Variants in NINJ2 observed in about 807,000 individuals in gnomAD.
NINJ2 encodes ninjurin 2.
Under a neutral mutation model 11.7 loss-of-function variants are expected in NINJ2, and 12 were observed. The observed-to-expected ratio is 1.02, with a 90% confidence interval of 0.66 to 1.66. The LOEUF (loss-of-function observed/expected upper bound fraction) is 1.66, where lower values mean the gene tolerates loss of function less well. Among genes scored for constraint, NINJ2 ranks in the 40% most tolerant of loss-of-function variants. The pLI is 0.00. For synonymous variants in NINJ2, 93 were observed against 76.8 expected, an observed-to-expected ratio of 1.21 and a Z score of -1.10; for missense variants, 187 against 181.8, an observed-to-expected ratio of 1.03 and a Z score of -0.16.
intron 1 of NINJ2, among the ~76,000 whole-genome samples, chr12:579,633 G>A (rs1253450942): frequency 6.6e-6 from 1 of 151,648 alleles, no homozygotes; most frequent in Non-Finnish European, 1.5e-5. Context: ...TAATTGATCC[G>A]CCCCCACTCC....
At chr12:618,667 A>G (rs1441758734) in intron 1 of NINJ2, among the ~76,000 whole-genome samples, 2 of 152,226 alleles carry the variant, frequency 1.3e-5, no homozygotes, top group African/African-American at 2.4e-5. Context: ...TCGGGCTCCA[A>G]GGAGACTGCA....
intron 1 of NINJ2, chr12:610,348 T>C: frequency 6.5e-7 from 1 of 1,535,374 alleles, no homozygotes; most frequent in Non-Finnish European, 8.7e-7. Context: ...ACACTTACCA[T>C]ATACATCATG....
At chr12:567,450 G>C (rs541739195) in intron 1 of NINJ2, among the ~76,000 whole-genome samples, 10 of 152,278 alleles carry the variant, frequency 6.6e-5, no homozygotes, top group Non-Finnish European at 1.3e-4. Flanking sequence ...ATTTGATTTT[G>C]TTTTGAAGTA....
At chr12:662,363 G>A (rs1216415394) in intron 1 of NINJ2, among the ~76,000 whole-genome samples, 1 of 151,896 alleles carries the variant, frequency 6.6e-6, no homozygotes, top group Non-Finnish European at 1.5e-5. Flanking sequence ...CAAGGACAGA[G>A]ACTCTGCCAG....
chr12:625,013 T>A (rs142509399), intron 1 of NINJ2, among the ~76,000 whole-genome samples: 3 of 144,762 alleles, frequency 2.1e-5, no homozygotes, highest in African/African-American at 7.8e-5. Flanking sequence ...GGAGGCTGAG[T>A]AATGAGAATT....
intron 2 of NINJ2, chr12:565,704 G>A (rs1947287474): frequency 1.6e-6 from 1 of 621,632 alleles, no homozygotes; most frequent in Admixed American, 2.6e-5. Flanking sequence ...CGAGGTGCTG[G>A]CGCAGTCATT....
rs1947622113 is a variant in NINJ2 at position 585,507 on chromosome 12, CGGTTGGAGGGAAGGGAAG to C, written c.34-19347_34-19330del. Among the ~76,000 whole-genome samples, 1 of 148,218 alleles carries C rather than the reference CGGTTGGAGGGAAGGGAAG, an allele frequency of 6.7e-6. No individual in the cohort carries two copies. Among genetic ancestry groups the C allele is most frequent in the East Asian group, 2.0e-4 (1 of 5,116 alleles). ...AACGGTTGGAGGGAAGGGAAGGGAACGGTTGGAGGGAAGGGAAGGGAACGGTTGGAGGGAAGGGAAGGG... is the reference window on the plus strand; with the variant it reads ...AACGGTTGGAGGGAAGGGAAGGGAACGGAACGGTTGGAGGGAAGGGAAGGG... On this transcript the variant is annotated intron_variant, in intron 1 of 3. Coordinates refer to ENST00000305108, the MANE Select transcript of NINJ2 (RefSeq NM_016533.6). The surrounding 1 kb of genome is among the most constrained non-coding windows in gnomAD (Gnocchi z 4.1).
chr12:591,978 C>T lies in NINJ2; in HGVS notation c.34-25800G>A, dbSNP rs993469311. ...CCTGCTCTGCTCATCCTTCCAACTG[C>T]TCCTTTAGCCTGAAGGCCTGGAGCC... On this transcript the variant is annotated intron_variant, in intron 1 of 3. Coordinates refer to ENST00000305108, the MANE Select transcript of NINJ2 (RefSeq NM_016533.6). This position sits in a 1 kb window ranked among gnomAD's most constrained non-coding sequence, Gnocchi z 5.0. Among the ~76,000 whole-genome samples the T allele has an allele frequency of 1.3e-4, 20 of 151,996 alleles. No individual in the cohort carries two copies. The highest frequency in any genetic ancestry group is 4.8e-4 in the African/African-American group (20 of 41,374).
At chr12:597,737 C>A (rs777202096) in intron 1 of NINJ2, among the ~76,000 whole-genome samples, 1 of 152,170 alleles carries the variant, frequency 6.6e-6, no homozygotes, top group Non-Finnish European at 1.5e-5. Context: ...GAAGAAGAGG[C>A]GAATGTATTA....
chr12:622,281 G>GTGCCTGTAGTCCCAGCTACTCAGGAGGC (rs1948161685), intron 1 of NINJ2, among the ~76,000 whole-genome samples: 1 of 151,330 alleles, frequency 6.6e-6, no homozygotes, highest in Admixed American at 6.6e-5. Flanking sequence ...GCGGTGGTGG[G>GTGCCTGTAGTCCCAGCTACTCAGGAGGC]TGCCTGTAGT....
At chr12:649,356 C>G (rs1251287376) in intron 1 of NINJ2, among the ~76,000 whole-genome samples, 2 of 151,930 alleles carry the variant, frequency 1.3e-5, no homozygotes, top group Non-Finnish European at 2.9e-5. Context: ...TGGGATGTCA[C>G]ATTTCTAGTC....
At chr12:592,167 C>T (rs1947725062) in intron 1 of NINJ2, among the ~76,000 whole-genome samples, 1 of 152,062 alleles carries the variant, frequency 6.6e-6, no homozygotes, top group Non-Finnish European at 1.5e-5. Context: ...GTTGTCTGAG[C>T]CATAGTGTCC....
At chr12:635,841 G>A (rs1013665951) in intron 1 of NINJ2, among the ~76,000 whole-genome samples, 28 of 152,360 alleles carry the variant, frequency 1.8e-4, no homozygotes, top group Non-Finnish European at 3.4e-4. Flanking sequence ...TCGGGAGGCC[G>A]AGGCGGGCAG....
intron 1 of NINJ2, among the ~76,000 whole-genome samples, chr12:596,790 G>A (rs760905641): frequency 3.3e-5 from 5 of 151,988 alleles, no homozygotes; most frequent in Non-Finnish European, 5.9e-5. Context: ...CGGGCGTGGC[G>A]GCGTGTGCCT....
chr12:622,051 G>GT (rs1948158891), intron 1 of NINJ2, among the ~76,000 whole-genome samples: 1 of 150,838 alleles, frequency 6.6e-6, no homozygotes, highest in East Asian at 1.9e-4. Context: ...GAACCTGGGA[G>GT]GCGGAGGCTG....
At chr12:662,404 G>C (rs1342264567) in intron 1 of NINJ2, among the ~76,000 whole-genome samples, 1 of 151,412 alleles carries the variant, frequency 6.6e-6, no homozygotes, top group East Asian at 1.9e-4. Context: ...AACACACACA[G>C]AGAACGAGAG....
intron 1 of NINJ2, among the ~76,000 whole-genome samples, chr12:653,849 CA>C (rs1937832668): frequency 6.6e-6 from 1 of 152,154 alleles, no homozygotes; most frequent in African/African-American, 2.4e-5. Flanking sequence ...AGGATGGACA[CA>C]AAAAGAAGAC....
At chr12:584,527 C>T (rs1384221715) in intron 1 of NINJ2, among the ~76,000 whole-genome samples, 2 of 151,704 alleles carry the variant, frequency 1.3e-5, no homozygotes, top group African/African-American at 2.4e-5. Context: ...AAAAATTAGC[C>T]GAGCATGGTG....
At chr12:600,281 C>T (rs1947849290) in intron 1 of NINJ2, among the ~76,000 whole-genome samples, 2 of 152,188 alleles carry the variant, frequency 1.3e-5, no homozygotes, top group South Asian at 4.2e-4. Flanking sequence ...GGGCCAGGTG[C>T]GGTGGCTTAG....
Sources: allele counts gnomAD v4.1 joint callset (sites outside exome capture counted in the v4.1 genomes callset), GRCh38; gene constraint gnomAD v4.1.1; non-coding constraint Gnocchi (gnomAD v3.1); transcripts MANE v1.5; gene names NCBI Gene and HGNC (gene_info 2026-07-23, HGNC 2026-07-21).